HIVEP2: variants seen among roughly 807,000 people sequenced by gnomAD.
The protein encoded by HIVEP2 is HIVEP zinc finger 2, also known as transcription factor HIVEP2.
Under a neutral mutation model 180.7 loss-of-function variants are expected in HIVEP2, and 14 were observed. The ratio of observed to expected loss-of-function variants is 0.08; its 90% CI spans 0.05 to 0.12. HIVEP2 has a LOEUF of 0.12. HIVEP2 is among the 10% of genes least tolerant of loss of function. HIVEP2 has a pLI of 1.00. For synonymous variants in HIVEP2, 1,184 were observed against 1,136.4 expected (o/e 1.04, Z -0.84); for missense variants, 2,579 against 3,008.5 (o/e 0.86, Z 3.34).
At chr6:142,832,170 C>T (rs1775104459) in intron 2 of HIVEP2, among the ~76,000 whole-genome samples, 1 of 133,158 alleles carries the variant, frequency 7.5e-6, no homozygotes, top group Non-Finnish European at 1.6e-5. Context: ...CCATCCTGGG[C>T]AACAAGAGTG....
At chr6:142,840,863 G>A (rs920552223) in intron 1 of HIVEP2, among the ~76,000 whole-genome samples, 1 of 152,082 alleles carries the variant, frequency 6.6e-6, no homozygotes, top group Non-Finnish European at 1.5e-5. Flanking sequence ...GCCACCAGCA[G>A]TAGATGTGCA....
At chr6:142,927,977 T>C (rs778248377) in intron 1 of HIVEP2, among the ~76,000 whole-genome samples, 31 of 152,262 alleles carry the variant, frequency 2.0e-4, no homozygotes, top group Non-Finnish European at 3.7e-4. Flanking sequence ...GTTCTCATGG[T>C]GAACAAACAT....
chr6:142,939,877 A>G (rs1778134659), intron 1 of HIVEP2, among the ~76,000 whole-genome samples: 2 of 152,218 alleles, frequency 1.3e-5, no homozygotes, highest in African/African-American at 4.8e-5. Flanking sequence ...CATTATATAA[A>G]TTATAAAACA....
At chr6:142,805,376 C>A (rs1310620239) in intron 2 of HIVEP2, among the ~76,000 whole-genome samples, 1 of 142,006 alleles carries the variant, frequency 7.0e-6, no homozygotes, top group Non-Finnish European at 1.5e-5. Flanking sequence ...GAAATCCCAG[C>A]CAGCCTCAGA....
In HIVEP2 at chr6:142,885,393, T is replaced by C. The variant is rs191402914; in HGVS notation, c.-640-48346A>G. On this transcript the variant is annotated intron_variant, in intron 1 of 9. Coordinates refer to ENST00000367603, the MANE Select transcript of HIVEP2 (RefSeq NM_006734.4). ...TGGAGAATAATATCACTCTGCTACC[T>C]GCCTTGAGCAACACCGTGAGCCCCT... 2.4e-4 allele frequency among the ~76,000 whole-genome samples: 37 copies of C among 151,678 alleles called. No individual in the cohort carries two copies. In the Middle Eastern group the frequency reaches 0.01, roughly 42 times the overall value.
chr6:142,925,452 C>T (rs745471929), intron 1 of HIVEP2, among the ~76,000 whole-genome samples: 1 of 152,120 alleles, frequency 6.6e-6, no homozygotes, highest in Non-Finnish European at 1.5e-5. Flanking sequence ...CATAACTTTG[C>T]CACCATAACA....
intron 1 of HIVEP2, among the ~76,000 whole-genome samples, chr6:142,895,137 CTTTAAA>C (rs748202481): frequency 6.6e-6 from 1 of 152,152 alleles, no homozygotes; most frequent in Non-Finnish European, 1.5e-5. Flanking sequence ...AACACTTGAA[CTTTAAA>C]TTTATAGCCA....
chr6:142,854,147 G>C (rs988111171), intron 1 of HIVEP2, among the ~76,000 whole-genome samples: 1 of 152,152 alleles, frequency 6.6e-6, no homozygotes, highest in African/African-American at 2.4e-5. Flanking sequence ...TTTATTGTTA[G>C]CCTGTGGTAG....
chr6:142,828,749 C>T (rs182510244), intron 2 of HIVEP2, among the ~76,000 whole-genome samples: 47 of 152,120 alleles, frequency 3.1e-4, no homozygotes, highest in African/African-American at 9.6e-4. Context: ...ATTTTATATC[C>T]CCAACTAAAT....
chr6:142,790,478 A>G (rs1191413626), intron 2 of HIVEP2, among the ~76,000 whole-genome samples: 1 of 152,212 alleles, frequency 6.6e-6, no homozygotes, highest in East Asian at 1.9e-4. Context: ...GATAAAAGCA[A>G]AAAAGGTGTA....
intron 1 of HIVEP2, among the ~76,000 whole-genome samples, chr6:142,934,088 A>C (rs1219816241): frequency 6.6e-6 from 1 of 152,238 alleles, no homozygotes; most frequent in East Asian, 1.9e-4. Context: ...CCTGTAATAA[A>C]TTGCATCAAT....
chr6:142,796,422 T>C (rs1776279960), intron 2 of HIVEP2, among the ~76,000 whole-genome samples: 1 of 152,172 alleles, frequency 6.6e-6, no homozygotes, highest in Non-Finnish European at 1.5e-5. Context: ...ACATATTTTG[T>C]ATGTTGTCTG....
At chr6:142,755,193 A>G (rs1356202606) in intron 9 of HIVEP2, among the ~76,000 whole-genome samples, 3 of 152,178 alleles carry the variant, frequency 2.0e-5, no homozygotes, top group East Asian at 3.8e-4. Context: ...CTTCTCTGTG[A>G]TATATCATAT....
chr6:142,920,882 C>T (rs1231897648), intron 1 of HIVEP2, among the ~76,000 whole-genome samples: 1 of 152,072 alleles, frequency 6.6e-6, no homozygotes, highest in Non-Finnish European at 1.5e-5. Flanking sequence ...ACTTGGGAGA[C>T]TGAGGTAGGA....
At chr6:142,860,619 T>A (rs1184456804) in intron 1 of HIVEP2, among the ~76,000 whole-genome samples, 1 of 152,174 alleles carries the variant, frequency 6.6e-6, no homozygotes, top group African/African-American at 2.4e-5. Flanking sequence ...AGATTCTCTT[T>A]GGGCAAGAGA....
intron 1 of HIVEP2, among the ~76,000 whole-genome samples, chr6:142,933,463 G>T (rs921834810): frequency 3.3e-5 from 5 of 152,134 alleles, no homozygotes; most frequent in East Asian, 1.9e-4. Context: ...ATTTCAAAAT[G>T]TCTTCTGTTT....
Position 142,943,918 on chromosome 6 carries a change from C to A in HIVEP2, c.-641+1181G>T, listed in dbSNP as rs1778237748. Reference sequence around the variant, plus strand: ...CGAAGTCATCCCCAGCGCCCCCCATCCGCCGCCCACACATTATTGCTTCTC... The same window carrying A: ...CGAAGTCATCCCCAGCGCCCCCCATACGCCGCCCACACATTATTGCTTCTC... On this transcript the variant is annotated intron_variant, in intron 1 of 9. Transcript: ENST00000367603. This position sits in a 1 kb window ranked among gnomAD's most constrained non-coding sequence, Gnocchi z 4.5. Among the ~76,000 whole-genome samples, 3 of 152,142 alleles carry A rather than the reference C, an allele frequency of 2.0e-5. No individual in the cohort carries two copies. The highest frequency in any genetic ancestry group is 7.2e-5 in the African/African-American group (3 of 41,422).
chr6:142,765,215 A>G (rs1485582710), intron 6 of HIVEP2, among the ~76,000 whole-genome samples: 3 of 152,204 alleles, frequency 2.0e-5, no homozygotes, highest in Admixed American at 2.0e-4. Flanking sequence ...AATTGGCTTC[A>G]CTATTACATG....
intron 1 of HIVEP2, among the ~76,000 whole-genome samples, chr6:142,932,353 A>G (rs1242230192): frequency 1.3e-5 from 2 of 152,214 alleles, no homozygotes; most frequent in Non-Finnish European, 1.5e-5. Context: ...GTTATACTAC[A>G]TAAAAAGTCT....
Sources: allele counts gnomAD v4.1 joint callset (sites outside exome capture counted in the v4.1 genomes callset), GRCh38; gene constraint gnomAD v4.1.1; non-coding constraint Gnocchi (gnomAD v3.1); transcripts MANE v1.5; gene names NCBI Gene and HGNC (gene_info 2026-07-23, HGNC 2026-07-21).